NRXN3: variants seen among roughly 807,000 people sequenced by gnomAD.
NRXN3 encodes neurexin 3, also known as neurexin III.
In NRXN3, 32 loss-of-function variants were observed where a neutral mutation model predicts 137.6. The observed-to-expected ratio is 0.23, with a 90% CI of 0.18 to 0.31. NRXN3 has a LOEUF of 0.31. Ranked by LOEUF, NRXN3 falls within the 10% of genes least tolerant of loss-of-function variation. NRXN3 has a pLI of 1.00. For missense variants in NRXN3, 1,574 were observed against 2,062.5 expected (o/e 0.76, Z 4.59); for synonymous variants, 798 against 784.5 (o/e 1.02, Z -0.29).
chr14:78,602,191 T>G (rs775736786), intron 4 of NRXN3, among the ~76,000 whole-genome samples: 3 of 151,962 alleles, frequency 2.0e-5, no homozygotes, highest in Non-Finnish European at 4.4e-5. Flanking sequence ...TGCTATCACC[T>G]TCAGAAAACA....
chr14:78,930,466 T>C (rs2099318453), intron 10 of NRXN3, among the ~76,000 whole-genome samples: 1 of 152,216 alleles, frequency 6.6e-6, no homozygotes, highest in Non-Finnish European at 1.5e-5. Flanking sequence ...GTGCCTATTG[T>C]AATTAAGACA....
At chr14:78,854,456 C>G (rs1297943222) in intron 10 of NRXN3, among the ~76,000 whole-genome samples, 1 of 151,978 alleles carries the variant, frequency 6.6e-6, no homozygotes, top group Non-Finnish European at 1.5e-5. Flanking sequence ...CCTCCATTAC[C>G]CAAGAGTGGG....
chr14:79,383,880 T>A (rs764589303), intron 15 of NRXN3, among the ~76,000 whole-genome samples: 9 of 152,228 alleles, frequency 5.9e-5, no homozygotes, highest in Non-Finnish European at 1.2e-4. Context: ...GATACTTGGA[T>A]AGGAGTATTC....
chr14:78,199,976 A>G (rs2061537676), intron 1 of NRXN3, among the ~76,000 whole-genome samples: 1 of 152,176 alleles, frequency 6.6e-6, no homozygotes, highest in South Asian at 2.1e-4. Flanking sequence ...TAGCCCTGGA[A>G]GAGGGGAATG....
At chr14:79,622,804 G>T (rs1342121359) in intron 16 of NRXN3, among the ~76,000 whole-genome samples, 14 of 152,048 alleles carry the variant, frequency 9.2e-5, no homozygotes, top group Admixed American at 9.2e-4. Context: ...CACCGTGTTA[G>T]CCAGGATGGT....
At chr14:79,778,223 C>T (rs7153734) in intron 19 of NRXN3, among the ~76,000 whole-genome samples, 7 of 152,016 alleles carry the variant, frequency 4.6e-5, no homozygotes, top group Admixed American at 2.6e-4. Context: ...GAGACCAGCC[C>T]GGCCAGCATG....
At chr14:79,753,636 G>T (rs1187398147) in intron 19 of NRXN3, among the ~76,000 whole-genome samples, 1 of 150,590 alleles carries the variant, frequency 6.6e-6, no homozygotes, top group Non-Finnish European at 1.5e-5. Flanking sequence ...CGAGTTAATG[G>T]GTGCAGCACA....
At chr14:79,789,479 G>C (rs1365427447) in intron 19 of NRXN3, among the ~76,000 whole-genome samples, 9 of 152,222 alleles carry the variant, frequency 5.9e-5, no homozygotes, top group African/African-American at 1.9e-4. Flanking sequence ...GAAAGTAAAG[G>C]AATAAAAGAT....
At chr14:79,731,724 T>C (rs547744074) in intron 19 of NRXN3, among the ~76,000 whole-genome samples, 6 of 151,978 alleles carry the variant, frequency 3.9e-5, no homozygotes, top group South Asian at 2.1e-4. Flanking sequence ...GACCTCGTGA[T>C]CCACCTGCCT....
chr14:79,246,041 CA>C (rs2075127423), intron 15 of NRXN3, among the ~76,000 whole-genome samples: 1 of 152,096 alleles, frequency 6.6e-6, no homozygotes, highest in Non-Finnish European at 1.5e-5. Context: ...AAGAGGAAAA[CA>C]AACCAAAAAG....
At chr14:79,127,605 A>G (rs537490918) in intron 15 of NRXN3, among the ~76,000 whole-genome samples, 1 of 152,320 alleles carries the variant, frequency 6.6e-6, no homozygotes, top group Admixed American at 6.5e-5. Context: ...GAAGTCAGGT[A>G]GTGTGATGCC....
intron 4 of NRXN3, among the ~76,000 whole-genome samples, chr14:78,639,986 A>G (rs966963291): frequency 3.9e-5 from 6 of 152,206 alleles, no homozygotes; most frequent in African/African-American, 1.4e-4. Flanking sequence ...TTCTTTATCA[A>G]TGTCTGACAT....
intron 19 of NRXN3, among the ~76,000 whole-genome samples, chr14:79,803,865 G>A (rs139806901): frequency 1.8e-4 from 27 of 149,876 alleles, no homozygotes; most frequent in African/African-American, 5.9e-4. Context: ...TGAGAATCAC[G>A]TCTAATTAAT....
intron 4 of NRXN3, among the ~76,000 whole-genome samples, chr14:78,341,168 G>A (rs2082105628): frequency 6.6e-6 from 1 of 152,068 alleles, no homozygotes; most frequent in Admixed American, 6.6e-5. Context: ...ATTCTCATGA[G>A]GGCATAAGTG....
At chr14:78,658,193 C>T (rs2152668065) in intron 6 of NRXN3, among the ~76,000 whole-genome samples, 1 of 152,264 alleles carries the variant, frequency 6.6e-6, no homozygotes, top group South Asian at 2.1e-4. Flanking sequence ...TTAGAATCAA[C>T]ATGAGACATG....
In NRXN3 at chr14:78,687,148, A is replaced by G. The variant is rs190500528; in HGVS notation, c.1222-22069A>G. ...CAGGTGCTTGTTGAATTCAAGGGAC[A>G]TGAAAAAGAACAAATTAGGGAAGGT... On this transcript the variant is annotated intron_variant, in intron 6 of 20. Transcript: ENST00000335750. 1.2e-4 allele frequency among the ~76,000 whole-genome samples: 18 copies of G among 152,324 alleles called. 1 individual carries two copies. The highest frequency in any genetic ancestry group is 2.1e-4 in the Non-Finnish European group (14 of 68,008).
intron 15 of NRXN3, among the ~76,000 whole-genome samples, chr14:79,287,558 T>G (rs2082476008): frequency 6.6e-6 from 1 of 152,184 alleles, no homozygotes; most frequent in South Asian, 2.1e-4. Flanking sequence ...TACCTTCAGA[T>G]GTGGAAGTGA....
intron 4 of NRXN3, among the ~76,000 whole-genome samples, chr14:78,599,556 T>G (rs2097185988): frequency 6.6e-6 from 1 of 152,212 alleles, no homozygotes; most frequent in Admixed American, 6.5e-5. Context: ...CACTTCTTGG[T>G]CTTCCAACCT....
intron 4 of NRXN3, among the ~76,000 whole-genome samples, chr14:78,567,105 C>T (rs77262459): frequency 0.016 from 2,400 of 152,230 alleles, 55 homozygotes; most frequent in African/African-American, 0.054. Context: ...GGACACAATT[C>T]TTTCTCAAGG....
Sources: gnomAD v4.1 joint callset for allele counts (sites outside exome capture counted in the v4.1 genomes callset) on GRCh38, gnomAD v4.1.1 for gene constraint, MANE v1.5 for transcripts, NCBI Gene and HGNC (gene_info 2026-07-23, HGNC 2026-07-21) for gene names.